The following THUMPD1 variants were observed in gnomAD, a reference collection of about 807,000 sequenced individuals.
THUMPD1 encodes THUMP domain-containing protein 1.
Under a neutral mutation model 31.6 loss-of-function variants are expected in THUMPD1, and 31 were observed. That is an observed-to-expected ratio of 0.98 (90% CI 0.74 to 1.32). The LOEUF is 1.32. Ranked by LOEUF, THUMPD1 falls within the 40% of genes most tolerant of loss-of-function variation. The pLI is 0.00. For synonymous variants in THUMPD1, 166 were observed against 158.2 expected, an observed-to-expected ratio of 1.05 and a Z score of -0.37; for missense variants, 446 against 427.8, an observed-to-expected ratio of 1.04 and a Z score of -0.38.
intron 1 of THUMPD1, among the ~76,000 whole-genome samples, chr16:20,739,852 G>A (rs2079902294): frequency 6.6e-6 from 1 of 151,774 alleles, no homozygotes; most frequent in Non-Finnish European, 1.5e-5. Flanking sequence ...AAAATGTGGA[G>A]GAAGAGGGAA....
In THUMPD1 at chr16:20,741,635, C is replaced by G. The variant is rs765780673; in HGVS notation, c.105G>C (p.Gly35=). The G allele has an allele frequency of 2.5e-6, 4 of 1,580,080 alleles. No individual in the cohort carries two copies. The highest frequency in any genetic ancestry group is 3.4e-6 in the Non-Finnish European group (4 of 1,163,358). The change falls in exon 1 of 4, where the codon GGG becomes GGC. Residue 35 remains glycine, a synonymous_variant. Coordinates refer to ENST00000396083, the MANE Select transcript of THUMPD1 (RefSeq NM_017736.5). ...GTAGCCCGGGCTCTAGCTGACGGGG[C>G]CCGCCAGCGTCGCAGCGCCGAGCGC... ...AKRARRCDAG[G]PRQLEPGLQG...
rs570825699 is a variant in THUMPD1, at chr16:20,739,143, G to A, written c.232-72C>T. Reference sequence around the variant, plus strand: ...TTAAACACTATAAGTAATTATTTATGTGAAGTCCCTGGCGGCAGGTGGCTC... The same window carrying A: ...TTAAACACTATAAGTAATTATTTATATGAAGTCCCTGGCGGCAGGTGGCTC... On this transcript the variant is annotated intron_variant, in intron 1 of 3. Transcript: ENST00000396083. The A allele has an allele frequency of 7.5e-5, 110 of 1,467,722 alleles. 2 individuals are homozygous for A. In the South Asian group the frequency reaches 1.2e-3, roughly 17 times the overall value. 90.9% of individuals were successfully genotyped at this position (1,467,722 alleles called of 1,614,324 possible).
Position 20,741,644 on chromosome 16 carries a change from G to C in THUMPD1, c.96C>G (p.Asp32Glu), listed in dbSNP as rs116141535. The C allele has an allele frequency of 6.3e-7, 1 of 1,582,894 alleles. No homozygotes were observed. The highest frequency in any genetic ancestry group is 1.3e-5 in the African/African-American group (1 of 74,406). ...YVLAKRARRC[D>E]AGGPRQLEPG... ...GCTCTAGCTGACGGGGCCCGCCAGC[G>C]TCGCAGCGCCGAGCGCGCTTGGCCA... The change falls in exon 1 of 4, where the codon GAC becomes GAG. Residue 32 changes from aspartate to glutamate, a missense_variant. Physicochemically the swap from Asp to Glu is conservative, Grantham distance 45 (BLOSUM62 2). Transcript: ENST00000396083.
At chr16:20,739,320 C>T (rs145692147) in intron 1 of THUMPD1, among the ~76,000 whole-genome samples, 2 of 151,822 alleles carry the variant, frequency 1.3e-5, no homozygotes, top group African/African-American at 2.4e-5. Context: ...TGATTACAGG[C>T]GCATGCCACT....
Position 20,738,878 on chromosome 16 carries a change from T to C in THUMPD1, c.406+19A>G. ...CCAGATGTTATGAGATCGATAATCT[T>C]AGCAAGTATTTGTCACACCTATCCC... On this transcript the variant is annotated intron_variant, in intron 2 of 3. Coordinates refer to ENST00000396083, the MANE Select transcript of THUMPD1 (RefSeq NM_017736.5). 1 of 1,612,254 alleles carries C rather than the reference T, an allele frequency of 6.2e-7. No homozygotes were observed. Among genetic ancestry groups the C allele is most frequent in the Middle Eastern group, 1.7e-4 (1 of 6,054 alleles).
intron 1 of THUMPD1, 30 bp from the exon 2 acceptor site, chr16:20,739,101 G>T: frequency 6.2e-7 from 1 of 1,610,358 alleles, no homozygotes; most frequent in South Asian, 1.1e-5. Context: ...GAGCAGAAAT[G>T]ACACAACAGC....
chr16:20,737,510 A>G (rs978672687), intron 3 of THUMPD1, among the ~76,000 whole-genome samples, 198 bp downstream of exon 3: 1 of 152,248 alleles, frequency 6.6e-6, no homozygotes, highest in Admixed American at 6.5e-5. Context: ...TCGAGTTAAA[A>G]AAGACTTTTA....
chr16:20,740,083 G>A (rs140826243), intron 1 of THUMPD1, among the ~76,000 whole-genome samples: 56 of 152,180 alleles, frequency 3.7e-4, no homozygotes, highest in African/African-American at 1.2e-3. Flanking sequence ...AAGGAACAAG[G>A]CACAGAAATA....
chr16:20,734,759 C>T lies in THUMPD1; in HGVS notation c.*2121G>A, dbSNP rs2079854987. 6.6e-6 allele frequency: 1 copy of T among 152,198 alleles called. No individual in the cohort carries two copies. The highest frequency in any genetic ancestry group is 6.5e-5 in the Admixed American group (1 of 15,270). 9.4% of individuals were successfully genotyped at this position (152,198 alleles called of 1,614,324 possible). On this transcript the variant is annotated 3_prime_UTR_variant, in exon 4 of 4. Coordinates refer to ENST00000396083, the MANE Select transcript of THUMPD1 (RefSeq NM_017736.5). ...TCAAATTCAGGAAACCCCTAAACCC[C>T]TGCAGAGAACCCTCATGGTATGTGA... is the stretch of plus-strand genomic sequence containing the variant.
chr16:20,741,478 C>CCGGGGGGGGGG, intron 1 of THUMPD1, 31 bp downstream of exon 1: 3 of 1,336,926 alleles, frequency 2.2e-6, no homozygotes, highest in African/African-American at 1.5e-5. Flanking sequence ...GGCCTGGCAG[C>CCGGGGGGGGGG]CGGCCCGCCC....
intron 2 of THUMPD1, chr16:20,738,308 TACA>T: frequency 1.8e-5 from 6 of 325,874 alleles, no homozygotes; most frequent in South Asian, 4.8e-5. Flanking sequence ...CACACTTTTT[TACA>T]AAAAAAAAAA....
In THUMPD1 at chr16:20,741,718, T is replaced by C; in HGVS notation, c.22A>G (p.Thr8Ala). 8 of 1,576,150 alleles carry C rather than the reference T, an allele frequency of 5.1e-6. No homozygotes were observed. Among genetic ancestry groups the C allele is most frequent in the Non-Finnish European group, 6.9e-6 (8 of 1,160,630 alleles). The change falls in exon 1 of 4, where the codon ACT (threonine) becomes GCT (alanine). Residue 8 changes from threonine to alanine, a missense_variant. Coordinates refer to ENST00000396083, the MANE Select transcript of THUMPD1 (RefSeq NM_017736.5). Reference sequence around the variant, plus strand: ...CGCTTCCCGCCGCCAGGCTGAGTAGTCTGCTGGGCAGGGGCCGCCATGGTG... The same window carrying C: ...CGCTTCCCGCCGCCAGGCTGAGTAGCCTGCTGGGCAGGGGCCGCCATGGTG... MAAPAQQ[T>A]TQPGGGKRKG...
At position 20,741,518 on chromosome 16, in the gene THUMPD1, C is replaced by T. The variant is rs764612047; in HGVS notation, c.222G>A (p.Gly74=). The stretch of plus-strand genomic sequence containing the variant: ...ACCCCGGGACCGGTACCTTTTCTGG[C>T]CCATACATGTCGTCGCCGTATTCGT... The part of the protein sequence containing the change: ...LLNEYGDDMY[G]PEKFTDKDQQ... Residue 74 remains glycine (G), a synonymous_variant, in exon 1 of 4, where the codon GGG becomes GGA. Transcript: ENST00000396083. The T allele has an allele frequency of 1.2e-6, 1 of 821,936 alleles. No homozygotes were observed. The highest frequency in any genetic ancestry group is 2.7e-5 in the Admixed American group (1 of 37,020). 50.9% of individuals were successfully genotyped at this position (821,936 alleles called of 1,614,324 possible). A position where few individuals can be genotyped will look rare whatever the true frequency, so the allele number is the denominator to read the frequency against.
Position 20,738,992 on chromosome 16 carries a change from C to A in THUMPD1, c.311G>T (p.Gly104Val). ...CATCTCTGTAGATGCCTTAATGTCA[C>A]CAACTTCTTTCTTCAAGGCAGCCTC... The part of the protein sequence containing the change: ...DAEAALKKEV[G>V]DIKASTEMRL... Residue 104 changes from glycine to valine, a missense_variant, in exon 2 of 4, where the codon GGT becomes GTT. Coordinates refer to ENST00000396083, the MANE Select transcript of THUMPD1 (RefSeq NM_017736.5). The A allele has an allele frequency of 3.1e-6, 5 of 1,614,194 alleles. No homozygotes were observed. The highest frequency in any genetic ancestry group is 4.2e-6 in the Non-Finnish European group (5 of 1,180,034).
chr16:20,738,810 A>G, intron 2 of THUMPD1, 87 bp downstream of exon 2: 1 of 1,481,058 alleles, frequency 6.8e-7, no homozygotes. Flanking sequence ...GTCATGCCCA[A>G]GAAGCCATTT....
At position 20,736,127 on chromosome 16, in the gene THUMPD1, A is replaced by G. The variant is rs1444228480; in HGVS notation, c.*753T>C. ...GTAAGTTGCATGTCACAGACAATGCACAATGGGACAGGAGAGCTTGGACTG... is the reference window on the plus strand; with the variant it reads ...GTAAGTTGCATGTCACAGACAATGCGCAATGGGACAGGAGAGCTTGGACTG... On this transcript the variant is annotated 3_prime_UTR_variant, in exon 4 of 4. Transcript: ENST00000396083. 6.6e-6 allele frequency: 1 copy of G among 152,252 alleles called. No individual in the cohort carries two copies. The highest frequency in any genetic ancestry group is 1.5e-5 in the Non-Finnish European group (1 of 68,038). 9.4% of individuals were successfully genotyped at this position (152,252 alleles called of 1,614,324 possible). A position where few individuals can be genotyped will look rare whatever the true frequency, so the allele number is the denominator to read the frequency against.
intron 1 of THUMPD1, 29 bp downstream of exon 1, chr16:20,741,480 G>GGGGGGGGGGGGGGGC: frequency 7.5e-7 from 1 of 1,340,418 alleles, no homozygotes; most frequent in Non-Finnish European, 9.7e-7. Flanking sequence ...CCTGGCAGCC[G>GGGGGGGGGGGGGGGC]GCCCGCCCGC....
chr16:20,738,204 G>A (rs910963691), intron 2 of THUMPD1: 2 of 530,566 alleles, frequency 3.8e-6, no homozygotes, highest in South Asian at 3.1e-5. Context: ...TGTTTAGGTA[G>A]ACACCGTTGT....
At position 20,736,506 on chromosome 16, in the gene THUMPD1, A is replaced by G; in HGVS notation, c.*374T>C. On this transcript the variant is annotated 3_prime_UTR_variant, in exon 4 of 4. Transcript: ENST00000396083. ...GTTTACAACAAAGTGGCAGGCAGAC[A>G]GCTGAGCTGTGGCATGTAAAAACTC... 1 of 188,460 alleles carries G rather than the reference A, an allele frequency of 5.3e-6. No individual in the cohort carries two copies. Among genetic ancestry groups the G allele is most frequent in the Non-Finnish European group, 1.1e-5 (1 of 90,606 alleles). 11.7% of individuals were successfully genotyped at this position (188,460 alleles called of 1,614,324 possible).
Sources: gnomAD v4.1 joint callset for allele counts (sites outside exome capture counted in the v4.1 genomes callset) on GRCh38, gnomAD v4.1.1 for gene constraint, MANE v1.5 for transcripts, NCBI Gene and HGNC (gene_info 2026-07-23, HGNC 2026-07-21) for gene names.